RASSF2: variants seen among roughly 807,000 people sequenced by gnomAD.
The protein encoded by RASSF2 is ras association domain-containing protein 2.
In RASSF2, 34 loss-of-function variants were observed where a neutral mutation model predicts 46.3. The ratio of observed to expected loss-of-function variants is 0.73; its 90% CI spans 0.56 to 0.98. RASSF2 has a LOEUF of 0.98. RASSF2 is among the 50% of genes least tolerant of loss of function. The pLI is 0.00. For synonymous variants in RASSF2, 158 were observed against 162.5 expected, an observed-to-expected ratio of 0.97 and a Z score of 0.21; for missense variants, 364 against 431.2, an observed-to-expected ratio of 0.84 and a Z score of 1.38.
chr20:4,791,541 C>T (rs6052880), intron 6 of RASSF2, among the ~76,000 whole-genome samples: 53,561 of 151,956 alleles, frequency 0.35, 9,555 homozygotes, highest in African/African-American at 0.39. Context: ...ATATACAATA[C>T]TGACATTAAT....
chr20:4,822,092 A>G (rs985275694), intron 2 of RASSF2, among the ~76,000 whole-genome samples: 1 of 152,256 alleles, frequency 6.6e-6, no homozygotes, highest in Non-Finnish European at 1.5e-5. Context: ...AGTGCCTGGT[A>G]AGTAAATGTG....
rs202068398 is a variant in RASSF2 at position 4,795,946 on chromosome 20, C to T, written c.156G>A (p.Val52=). Residue 52 remains valine, a synonymous_variant, in exon 5 of 12, where the codon GTG becomes GTA. Transcript: ENST00000379400. This position sits in a 1 kb window ranked among gnomAD's most constrained non-coding sequence, Gnocchi z 4.0. ...RHREEEDEFI[V]EGLLNISWGL... is the part of the protein sequence containing the mutation. ...CCCAGGAGATGTTCAGGAGCCCCTC[C>T]ACAATGAACTCGTCTTCTTCCTGCC... The T allele has an allele frequency of 8.5e-5, 131 of 1,538,872 alleles. No homozygotes were observed. The highest frequency in any genetic ancestry group is 1.2e-5 in the Non-Finnish European group (14 of 1,137,578).
chr20:4,815,888 A>G (rs1928265299), intron 2 of RASSF2, among the ~76,000 whole-genome samples: 2 of 152,208 alleles, frequency 1.3e-5, no homozygotes, highest in Non-Finnish European at 2.9e-5. Flanking sequence ...CCAGGCCAGG[A>G]AGGATAGTCA....
intron 2 of RASSF2, among the ~76,000 whole-genome samples, chr20:4,810,333 CA>C (rs1191287355): frequency 1.3e-5 from 2 of 152,206 alleles, no homozygotes; most frequent in Non-Finnish European, 2.9e-5. Context: ...TGGCCAAGCC[CA>C]AAAATCACAG....
chr20:4,798,849 A>C (rs56339539), intron 3 of RASSF2, among the ~76,000 whole-genome samples: 18,773 of 123,724 alleles, frequency 0.15, 1,514 homozygotes, highest in African/African-American at 0.23. Context: ...AACAAACAAA[A>C]AAAAAAAAAC....
intron 8 of RASSF2, among the ~76,000 whole-genome samples, 195 bp from the exon 9 acceptor site, chr20:4,788,463 A>G (rs550095749): frequency 6.6e-6 from 1 of 152,234 alleles, no homozygotes; most frequent in Admixed American, 6.5e-5. Flanking sequence ...ACAGTCATGC[A>G]CTTAACCACG....
At chr20:4,805,248 G>A (rs1681222798) in intron 2 of RASSF2, among the ~76,000 whole-genome samples, 1 of 152,066 alleles carries the variant, frequency 6.6e-6, no homozygotes, top group Non-Finnish European at 1.5e-5. Flanking sequence ...TTATCTGGGG[G>A]GCCCTAAATG....
chr20:4,801,927 G>A (rs1364560789), intron 2 of RASSF2, among the ~76,000 whole-genome samples: 4 of 151,932 alleles, frequency 2.6e-5, no homozygotes, highest in African/African-American at 9.7e-5. Flanking sequence ...TTTAGTAGAG[G>A]AAGGGTTTCA....
chr20:4,798,098 A>T lies in RASSF2; in HGVS notation c.60-13T>A. 6.2e-7 allele frequency: 1 copy of T among 1,613,440 alleles called. No homozygotes were observed. Among genetic ancestry groups the T allele is most frequent in the East Asian group, 2.2e-5 (1 of 44,868 alleles). ...GAGAAGTTCATTTCTTAGGGGGAAA[A>T]ATAGAAGAGATATAACATTATCAGC... On this transcript the variant is annotated splice_polypyrimidine_tract_variant and intron_variant, in intron 3 of 11. Transcript: ENST00000379400.
chr20:4,798,675 A>C (rs1300144730), intron 3 of RASSF2, among the ~76,000 whole-genome samples: 3 of 151,240 alleles, frequency 2.0e-5, no homozygotes, highest in Non-Finnish European at 4.4e-5. Flanking sequence ...AAATACAAAA[A>C]ATTAGCCAGG....
chr20:4,793,656 T>A (rs34593680), intron 5 of RASSF2, among the ~76,000 whole-genome samples: 60,699 of 151,262 alleles, frequency 0.4, 12,276 homozygotes, highest in African/African-American at 0.43. Context: ...TTTATTTTAT[T>A]TTTTTGTAGA....
intron 3 of RASSF2, among the ~76,000 whole-genome samples, chr20:4,800,733 G>A (rs548103907): frequency 5.9e-5 from 9 of 152,180 alleles, no homozygotes; most frequent in South Asian, 4.1e-4. Flanking sequence ...AAGTTTCTGC[G>A]TCTTGACTTC....
chr20:4,785,694 C>T (rs534567342), intron 11 of RASSF2, among the ~76,000 whole-genome samples: 1 of 152,284 alleles, frequency 6.6e-6, no homozygotes, highest in African/African-American at 2.4e-5. Context: ...ATCCCTGGAA[C>T]CTCCGGGTCT....
At chr20:4,819,925 C>T (rs1928581709) in intron 2 of RASSF2, among the ~76,000 whole-genome samples, 1 of 152,206 alleles carries the variant, frequency 6.6e-6, no homozygotes, top group Non-Finnish European at 1.5e-5. Context: ...GCCACAGCTG[C>T]CTTGAGCAGC....
At chr20:4,819,245 G>A (rs1928537339) in intron 2 of RASSF2, among the ~76,000 whole-genome samples, 1 of 152,192 alleles carries the variant, frequency 6.6e-6, no homozygotes, top group Non-Finnish European at 1.5e-5. Context: ...TTACAGGCAT[G>A]AGCCACTGCG....
intron 2 of RASSF2, among the ~76,000 whole-genome samples, chr20:4,808,956 T>C (rs1389498460): frequency 3.9e-5 from 6 of 152,232 alleles, no homozygotes; most frequent in Non-Finnish European, 8.8e-5. Context: ...CCACAAAGCA[T>C]GTCTGCCAAA....
At chr20:4,805,749 C>T (rs1001572800) in intron 2 of RASSF2, among the ~76,000 whole-genome samples, 1 of 151,960 alleles carries the variant, frequency 6.6e-6, no homozygotes, top group African/African-American at 2.4e-5. Context: ...CTAGAGAGTT[C>T]GAAGAAGAAG....
At chr20:4,791,080 C>A (rs747738801) in intron 6 of RASSF2, among the ~76,000 whole-genome samples, 23 of 152,278 alleles carry the variant, frequency 1.5e-4, no homozygotes, top group Non-Finnish European at 2.2e-4. Context: ...ATGCTAAGTG[C>A]AACAAGCCAA....
Position 4,787,825 on chromosome 20 carries a change from T to C in RASSF2, c.692-71A>G, listed in dbSNP as rs1043395923. 174 of 1,235,200 alleles carry C rather than the reference T, an allele frequency of 1.4e-4. No individual in the cohort carries two copies. In the South Asian group the frequency reaches 1.9e-3, roughly 14 times the overall value. 76.5% of individuals were successfully genotyped at this position (1,235,200 alleles called of 1,614,324 possible). ...CATTAAGTAGTGGTTAATGCAGGGG[T>C]CCAAAGGCACCTTAGGAGATGCCGC... On this transcript the variant is annotated intron_variant, in intron 9 of 11. Coordinates refer to ENST00000379400, the MANE Select transcript of RASSF2 (RefSeq NM_014737.3).
Sources: gnomAD v4.1 joint callset for allele counts (sites outside exome capture counted in the v4.1 genomes callset) on GRCh38, gnomAD v4.1.1 for gene constraint, Gnocchi (gnomAD v3.1) non-coding constraint, MANE v1.5 for transcripts, NCBI Gene and HGNC (gene_info 2026-07-23, HGNC 2026-07-21) for gene names.